GSE1: variants seen among roughly 807,000 people sequenced by gnomAD.
The protein encoded by GSE1 is Gse1 coiled-coil protein, also known as genetic suppressor element 1.
In GSE1, 32 loss-of-function variants were observed where a neutral mutation model predicts 112.6. The ratio of observed to expected loss-of-function variants is 0.28; its 90% CI spans 0.21 to 0.38. The LOEUF is 0.38. GSE1 is among the 10% of genes least tolerant of loss of function. The probability of loss-of-function intolerance (pLI) is 1.00; values close to 1 mark genes in which losing one functional copy is unlikely to be tolerated. For missense variants in GSE1, 2,348 were observed against 1,699.2 expected (o/e 1.38, Z -6.71); for synonymous variants, 1,115 against 735.6 (o/e 1.52, Z -8.35).
At chr16:85,498,530 C>G (rs997695134) in intron 2 of GSE1, among the ~76,000 whole-genome samples, 1 of 149,666 alleles carries the variant, frequency 6.7e-6, no homozygotes, top group African/African-American at 2.5e-5. Context: ...CATGCATGTA[C>G]ACAGACATCC....
rs532187303 is a variant in GSE1 at position 85,572,193 on chromosome 16, C to T, written c.37+15830C>T. Among the ~76,000 whole-genome samples, 3 of 149,696 alleles carry T rather than the reference C, an allele frequency of 2.0e-5. No homozygotes were observed. The South Asian group carries it at 6.4e-4, about 32-fold the overall frequency. ...TACTACACACACACCACATACTACA[C>T]ACACAACACACACAGCACGCACACA... On this transcript the variant is annotated intron_variant, in intron 1 of 2. Transcript: ENST00000635906.
intron 1 of GSE1, among the ~76,000 whole-genome samples, chr16:85,351,066 A>G (rs2046841868): frequency 6.6e-6 from 1 of 152,190 alleles, no homozygotes; most frequent in Admixed American, 6.5e-5. Context: ...TGTACTCAAA[A>G]GGAAACCAAG....
intron 2 of GSE1, among the ~76,000 whole-genome samples, chr16:85,424,186 G>A (rs763721861): frequency 2.4e-4 from 37 of 152,246 alleles, no homozygotes; most frequent in African/African-American, 8.4e-4. Context: ...GCATTTGTTC[G>A]TTCATTGGGG....
In GSE1 at chr16:85,561,794, G is replaced by T. The variant is rs529566935; in HGVS notation, c.37+5431G>T. ...GAGGCTGAGGCTTCCCCTGCTGAGA[G>T]CTGGGGTACCCAGAGTGAAGCTCGG... is the stretch of plus-strand genomic sequence containing the variant. On this transcript the variant is annotated intron_variant, in intron 1 of 2. Coordinates refer to the GSE1 transcript ENST00000635906. Among the ~76,000 whole-genome samples, 532 of 152,354 alleles carry T rather than the reference G, an allele frequency of 3.5e-3. 1 individual carries two copies. Among genetic ancestry groups the T allele is most frequent in the South Asian group, 5.8e-3 (28 of 4,832 alleles).
At chr16:85,383,941 C>T (rs189962493) in intron 2 of GSE1, among the ~76,000 whole-genome samples, 9 of 152,334 alleles carry the variant, frequency 5.9e-5, no homozygotes, top group Non-Finnish European at 1.2e-4. Context: ...TGTCCTCAAT[C>T]CTTGGCCATC....
intron 1 of GSE1, among the ~76,000 whole-genome samples, chr16:85,578,511 C>G (rs2046323430): frequency 6.6e-6 from 1 of 152,164 alleles, no homozygotes; most frequent in Admixed American, 6.5e-5. Context: ...CTGTCTTGTT[C>G]TGTGCAACAA....
intron 1 of GSE1, among the ~76,000 whole-genome samples, chr16:85,591,084 G>A (rs1270353628): frequency 6.6e-6 from 1 of 152,216 alleles, no homozygotes; most frequent in East Asian, 1.9e-4. Context: ...TGTGGGAAGA[G>A]ATGCTAGGGC....
intron 1 of GSE1, among the ~76,000 whole-genome samples, chr16:85,290,680 C>G (rs34771532): frequency 0.15 from 22,327 of 152,136 alleles, 2,241 homozygotes; most frequent in East Asian, 0.38. Context: ...GTAATAATAA[C>G]TAACTCTTCA....
At position 85,342,104 on chromosome 16, in the gene GSE1, C is replaced by T. The variant is rs185199428; in HGVS notation, c.2284-15359C>T. On this transcript the variant is annotated intron_variant, in intron 1 of 2. Coordinates refer to the GSE1 transcript ENST00000637419. The stretch of plus-strand genomic sequence containing the variant: ...CCCTCCAGCCCATCACTGCCACCTC[C>T]CTGACACCTCGGGACCCACCAAGCA... Among the ~76,000 whole-genome samples, 8 of 152,160 alleles carry T rather than the reference C, an allele frequency of 5.3e-5. No individual in the cohort carries two copies. In the East Asian group the frequency reaches 1.4e-3, roughly 26 times the overall value.
chr16:85,554,612 AC>A (rs1168538048), upstream of GSE1, among the ~76,000 whole-genome samples: 1 of 151,910 alleles, frequency 6.6e-6, no homozygotes. Context: ...AGGGAAACAA[AC>A]CGCTCGCCCG....
At chr16:85,633,623 C>T (rs1598467248) in intron 1 of GSE1, among the ~76,000 whole-genome samples, 2 of 152,350 alleles carry the variant, frequency 1.3e-5, no homozygotes, top group African/African-American at 4.8e-5. Context: ...CCACGACCTG[C>T]CCAGCCTGGA....
intron 1 of GSE1, among the ~76,000 whole-genome samples, chr16:85,300,061 G>C (rs889389558): frequency 3.3e-5 from 5 of 151,672 alleles, no homozygotes; most frequent in African/African-American, 1.2e-4. Flanking sequence ...GCCCAGGCTG[G>C]AGTGCAATGG....
At chr16:85,432,545 G>C (rs2049146531) in intron 2 of GSE1, among the ~76,000 whole-genome samples, 1 of 152,176 alleles carries the variant, frequency 6.6e-6, no homozygotes, top group African/African-American at 2.4e-5. Flanking sequence ...TTCTCTTCAG[G>C]GCCCTGCCTG....
At chr16:85,520,994 G>A (rs1263806971) in intron 2 of GSE1, among the ~76,000 whole-genome samples, 2 of 152,138 alleles carry the variant, frequency 1.3e-5, no homozygotes, top group African/African-American at 4.8e-5. Flanking sequence ...CTTTGCTTGG[G>A]GCCGGAAAGT....
intron 1 of GSE1, among the ~76,000 whole-genome samples, chr16:85,189,569 C>A (rs79139110): frequency 1.3e-5 from 2 of 152,162 alleles, no homozygotes; most frequent in Non-Finnish European, 1.5e-5. Flanking sequence ...AATAAAAGTT[C>A]TAAGAGACAT....
chr16:85,555,682 C>G (rs570959513), upstream of GSE1: 52 of 940,880 alleles, frequency 5.5e-5, no homozygotes, highest in Middle Eastern at 5.4e-4. Flanking sequence ...GCCGCCCCCC[C>G]CTTCCTTTTT....
chr16:85,326,973 G>T (rs923822324), intron 1 of GSE1, among the ~76,000 whole-genome samples: 13 of 152,350 alleles, frequency 8.5e-5, no homozygotes, highest in Middle Eastern at 3.4e-3. Context: ...ATAAGGCTCG[G>T]CAGGGAGGGC....
At chr16:85,618,415 G>A (rs2048515485) in intron 1 of GSE1, among the ~76,000 whole-genome samples, 3 of 152,158 alleles carry the variant, frequency 2.0e-5, no homozygotes, top group South Asian at 2.1e-4. Context: ...TGGAGCGTGG[G>A]GTGAGCCCCT....
chr16:85,410,399 CCT>C (rs1277201946), intron 2 of GSE1, among the ~76,000 whole-genome samples: 4 of 42,396 alleles, frequency 9.4e-5, no homozygotes, highest in Non-Finnish European at 1.8e-4. Flanking sequence ...CTCAGGCCCC[CCT>C]GGATAATCCT....
Sources: gnomAD v4.1 joint callset for allele counts (sites outside exome capture counted in the v4.1 genomes callset) on GRCh38, gnomAD v4.1.1 for gene constraint, MANE v1.5 for transcripts, NCBI Gene and HGNC (gene_info 2026-07-23, HGNC 2026-07-21) for gene names.